Variants in CNTNAP4 observed in about 807,000 individuals in gnomAD.
CNTNAP4 encodes contactin-associated protein-like 4.
In CNTNAP4, 98 loss-of-function variants were observed where a neutral mutation model predicts 148.4. The observed-to-expected ratio is 0.66, with a 90% CI of 0.56 to 0.78. CNTNAP4 has a LOEUF of 0.78. Ranked by LOEUF, CNTNAP4 falls within the 30% of genes least tolerant of loss-of-function variation. CNTNAP4 has a pLI of 0.00. For synonymous variants in CNTNAP4, 730 were observed against 565.1 expected (o/e 1.29, Z -4.14); for missense variants, 1,935 against 1,565.6 (o/e 1.24, Z -3.98).
At chr16:76,533,074 G>A (rs2084054755) in intron 17 of CNTNAP4, among the ~76,000 whole-genome samples, 1 of 152,076 alleles carries the variant, frequency 6.6e-6, no homozygotes, top group Admixed American at 6.6e-5. Context: ...TAGCCAAGAT[G>A]TGGAATCAAC....
At chr16:76,447,356 T>TTATA (rs369902182) in intron 4 of CNTNAP4, among the ~76,000 whole-genome samples, 49 of 147,448 alleles carry the variant, frequency 3.3e-4, no homozygotes, top group East Asian at 5.9e-4. Context: ...ATATATGAAA[T>TTATA]TATATATATA....
intron 3 of CNTNAP4, among the ~76,000 whole-genome samples, chr16:76,378,661 T>C (rs1021065824): frequency 2.0e-5 from 3 of 152,224 alleles, no homozygotes; most frequent in Admixed American, 6.5e-5. Context: ...GTGTCCAGTG[T>C]ATTCTTGCAG....
intron 3 of CNTNAP4, among the ~76,000 whole-genome samples, chr16:76,389,855 A>C (rs182769249): frequency 6.6e-6 from 1 of 152,136 alleles, no homozygotes; most frequent in East Asian, 1.9e-4. Context: ...TGCTACCAAA[A>C]CCCACATGTT....
At chr16:76,301,664 A>C (rs1466086211) in intron 1 of CNTNAP4, among the ~76,000 whole-genome samples, 1 of 152,124 alleles carries the variant, frequency 6.6e-6, no homozygotes, top group African/African-American at 2.4e-5. Context: ...ACACGGGGTA[A>C]ATCAGTCACT....
chr16:76,471,209 C>T (rs1016180282), intron 10 of CNTNAP4, among the ~76,000 whole-genome samples: 4 of 152,144 alleles, frequency 2.6e-5, no homozygotes, highest in Admixed American at 6.5e-5. Context: ...AGAGGGGTGG[C>T]GAAGGGGTGA....
chr16:76,389,339 T>C (rs983148822), intron 3 of CNTNAP4, among the ~76,000 whole-genome samples: 3 of 152,220 alleles, frequency 2.0e-5, no homozygotes, highest in African/African-American at 7.2e-5. Context: ...CTGAAACTAA[T>C]GTCAAATCAA....
At chr16:76,317,797 A>G (rs370943469) in intron 2 of CNTNAP4, among the ~76,000 whole-genome samples, 2 of 152,326 alleles carry the variant, frequency 1.3e-5, no homozygotes, top group South Asian at 4.1e-4. Flanking sequence ...CAATATAGAT[A>G]TAACACTTTA....
intron 2 of CNTNAP4, among the ~76,000 whole-genome samples, chr16:76,330,438 G>T (rs1000808588): frequency 1.3e-5 from 2 of 152,112 alleles, no homozygotes; most frequent in Non-Finnish European, 2.9e-5. Flanking sequence ...CATCATTGTG[G>T]CCTTGTTGTG....
chr16:76,460,494 G>T (rs1274783224), intron 8 of CNTNAP4, among the ~76,000 whole-genome samples: 1 of 149,108 alleles, frequency 6.7e-6, no homozygotes, highest in Admixed American at 6.7e-5. Flanking sequence ...AGGCGCGGTG[G>T]CTCACGCCTG....
chr16:76,505,816 C>T (rs984498680), intron 15 of CNTNAP4, among the ~76,000 whole-genome samples: 3 of 96,536 alleles, frequency 3.1e-5, no homozygotes, highest in African/African-American at 7.8e-5. Flanking sequence ...GGGAGGATTG[C>T]TTGAGACTGG....
intron 17 of CNTNAP4, among the ~76,000 whole-genome samples, chr16:76,524,650 C>T (rs1022354768): frequency 6.6e-6 from 1 of 152,004 alleles, no homozygotes; most frequent in African/African-American, 2.4e-5. Context: ...CTTTTAACAT[C>T]GATCATGTGA....
intron 5 of CNTNAP4, 135 bp from the exon 6 acceptor site, chr16:76,448,632 C>T (rs1214434066): frequency 6.6e-6 from 4 of 605,006 alleles, no homozygotes; most frequent in African/African-American, 3.8e-5. Context: ...CGGGGAAATG[C>T]ATCCTAGTAT....
chr16:76,322,938 G>A (rs374122933), intron 2 of CNTNAP4, among the ~76,000 whole-genome samples: 1 of 151,674 alleles, frequency 6.6e-6, no homozygotes, highest in Non-Finnish European at 1.5e-5. Context: ...GGGTTCAAGC[G>A]AGTCTCGTGC....
At chr16:76,550,688 A>AC (rs397688669) in intron 21 of CNTNAP4, among the ~76,000 whole-genome samples, 6 of 151,170 alleles carry the variant, frequency 4.0e-5, no homozygotes, top group African/African-American at 9.7e-5. Context: ...GAAAAAAAAA[A>AC]CTCCAAATCA....
At chr16:76,307,799 C>G (rs547979611) in intron 1 of CNTNAP4, among the ~76,000 whole-genome samples, 2 of 152,220 alleles carry the variant, frequency 1.3e-5, no homozygotes, top group South Asian at 4.1e-4. Context: ...CAATCAGCCC[C>G]TGGCTGTTCT....
intron 2 of CNTNAP4, among the ~76,000 whole-genome samples, chr16:76,319,333 G>A (rs1047301552): frequency 1.3e-5 from 2 of 152,074 alleles, no homozygotes; most frequent in African/African-American, 2.4e-5. Context: ...TGCAGGTAAC[G>A]TGAGCCAAGA....
intron 17 of CNTNAP4, among the ~76,000 whole-genome samples, chr16:76,522,823 T>G (rs1188194445): frequency 1.3e-5 from 2 of 150,646 alleles, no homozygotes; most frequent in Non-Finnish European, 3.0e-5. Context: ...AGTGCAATAG[T>G]GCGATCTCGG....
At position 76,489,671 on chromosome 16, in the gene CNTNAP4, A is replaced by G; in HGVS notation, c.1883-15A>G. 6.8e-7 allele frequency: 1 copy of G among 1,461,088 alleles called. No individual in the cohort carries two copies. The highest frequency in any genetic ancestry group is 1.5e-5 in the South Asian group (1 of 68,142). 90.5% of individuals were successfully genotyped at this position (1,461,088 alleles called of 1,614,324 possible). A position where few individuals can be genotyped will look rare whatever the true frequency, so the allele number is the denominator to read the frequency against. On this transcript the variant is annotated splice_polypyrimidine_tract_variant and intron_variant, in intron 12 of 23. Coordinates refer to ENST00000611870, the MANE Select transcript of CNTNAP4 (RefSeq NM_033401.5). ...GATGGTCTCCTCTCTTTCTCCCCCC[A>G]TTTCTGCATACAAGAAACTGCATGG...
At chr16:76,435,219 A>G (rs899903898) in intron 4 of CNTNAP4, among the ~76,000 whole-genome samples, 2 of 152,124 alleles carry the variant, frequency 1.3e-5, no homozygotes, top group African/African-American at 4.8e-5. Context: ...CTCTGTTTTT[A>G]TAATTCAAAT....
Sources: gnomAD v4.1 joint callset for allele counts (sites outside exome capture counted in the v4.1 genomes callset) on GRCh38, gnomAD v4.1.1 for gene constraint, MANE v1.5 for transcripts, NCBI Gene and HGNC (gene_info 2026-07-23, HGNC 2026-07-21) for gene names.